The following STK3 variants were observed in gnomAD, a reference collection of about 807,000 sequenced individuals.
The protein encoded by STK3 is serine/threonine-protein kinase 3.
A neutral mutation model predicts 58.0 loss-of-function variants in STK3; 41 were observed. The ratio of observed to expected loss-of-function variants is 0.71; its 90% CI spans 0.55 to 0.92. STK3 has a LOEUF of 0.92. Ranked by LOEUF, STK3 falls within the 40% of genes least tolerant of loss-of-function variation. STK3 has a pLI of 0.00. For missense variants in STK3, 479 were observed against 602.7 expected (o/e 0.79, Z 2.15); for synonymous variants, 170 against 191.0 (o/e 0.89, Z 0.91).
chr8:98,741,785 G>A (rs570515287), intron 4 of STK3, among the ~76,000 whole-genome samples: 1 of 150,852 alleles, frequency 6.6e-6, no homozygotes, highest in Admixed American at 6.6e-5. Context: ...AAAGACTAAT[G>A]AATCCAGGAG....
chr8:98,632,558 C>G (rs886687773), intron 6 of STK3, among the ~76,000 whole-genome samples: 5 of 152,120 alleles, frequency 3.3e-5, no homozygotes, highest in African/African-American at 1.2e-4. Context: ...TTAGATCTGA[C>G]GCAGAGGAAA....
chr8:98,527,195 T>A (rs953178386), intron 9 of STK3, among the ~76,000 whole-genome samples: 2 of 152,346 alleles, frequency 1.3e-5, no homozygotes, highest in East Asian at 3.9e-4. Context: ...AGAATTTTAT[T>A]AAAAATCATT....
In STK3 at chr8:98,596,174, T is replaced by C. The variant is rs1193130398; in HGVS notation, c.685-5A>G. 6.8e-6 allele frequency: 11 copies of C among 1,610,136 alleles called. No homozygotes were observed. The highest frequency in any genetic ancestry group is 9.3e-6 in the Non-Finnish European group (11 of 1,177,992). On this transcript the variant is annotated splice_polypyrimidine_tract_variant and splice_region_variant and intron_variant, in intron 6 of 10. Transcript: ENST00000419617. ...TGTGGGAATCATAAAAATAGCCTAG[T>C]ACAAATGAAATATCCAAAAGACAGT...
intron 4 of STK3, among the ~76,000 whole-genome samples, chr8:98,709,177 T>C (rs1045524937): frequency 8.6e-5 from 13 of 151,972 alleles, no homozygotes; most frequent in African/African-American, 3.1e-4. Flanking sequence ...TGATAGAAAA[T>C]AGGATAACAC....
chr8:98,676,432 G>A (rs142067348), intron 6 of STK3, among the ~76,000 whole-genome samples: 1,983 of 152,278 alleles, frequency 0.013, 46 homozygotes, highest in African/African-American at 0.045. Context: ...AATCAACATG[G>A]TGAAACCCAG....
chr8:98,778,137 A>C (rs1831829741), intron 1 of STK3, among the ~76,000 whole-genome samples: 1 of 152,220 alleles, frequency 6.6e-6, no homozygotes, highest in Admixed American at 6.5e-5. Context: ...TCATCTGACA[A>C]AGGGCTAATA....
intron 3 of STK3, among the ~76,000 whole-genome samples, chr8:98,833,853 G>A (rs1010744911): frequency 3.9e-5 from 6 of 152,150 alleles, no homozygotes; most frequent in African/African-American, 1.4e-4. Context: ...ACAAAGAAAA[G>A]GGGATAACCA....
intron 8 of STK3, among the ~76,000 whole-genome samples, chr8:98,558,164 G>A (rs1811743777): frequency 6.6e-6 from 1 of 151,924 alleles, no homozygotes; most frequent in African/African-American, 2.4e-5. Context: ...TTTAAAATAA[G>A]AATGACACCT....
intron 1 of STK3, among the ~76,000 whole-genome samples, chr8:98,907,382 C>T (rs1223776878): frequency 6.6e-6 from 1 of 150,614 alleles, no homozygotes; most frequent in African/African-American, 2.4e-5. Flanking sequence ...GGCGTGGTGG[C>T]ACCACCTGTA....
At chr8:98,777,844 G>C (rs1587594206) in intron 1 of STK3, among the ~76,000 whole-genome samples, 1 of 152,142 alleles carries the variant, frequency 6.6e-6, no homozygotes, top group Non-Finnish European at 1.5e-5. Flanking sequence ...AGCTGAAACT[G>C]GATCCCTTCC....
chr8:98,444,991 T>TC (rs1818874412), intron 1 of STK3, among the ~76,000 whole-genome samples: 2 of 152,322 alleles, frequency 1.3e-5, no homozygotes, highest in East Asian at 3.9e-4. Context: ...GTACTAAGAA[T>TC]AGTTGGCTTT....
intron 1 of STK3, among the ~76,000 whole-genome samples, chr8:98,940,177 G>T (rs1468080686): frequency 2.0e-5 from 3 of 152,096 alleles, no homozygotes; most frequent in Non-Finnish European, 2.9e-5. Flanking sequence ...AGCCCGAGCC[G>T]TATCCAGCTT....
At chr8:98,840,628 TAC>T (rs1554689100) in intron 3 of STK3, among the ~76,000 whole-genome samples, 18 of 114,468 alleles carry the variant, frequency 1.6e-4, no homozygotes, top group Admixed American at 4.4e-4. Flanking sequence ...TATATATATA[TAC>T]ACACACATAC....
At chr8:98,858,522 G>A (rs944544774) in intron 3 of STK3, among the ~76,000 whole-genome samples, 18 of 150,552 alleles carry the variant, frequency 1.2e-4, no homozygotes, top group Non-Finnish European at 2.1e-4. Context: ...AACCGAAAAA[G>A]GTTGAAAATT....
chr8:98,704,619 TA>T (rs928874300), intron 6 of STK3, among the ~76,000 whole-genome samples: 3 of 151,968 alleles, frequency 2.0e-5, no homozygotes, highest in South Asian at 2.1e-4. Context: ...AATACAGGTA[TA>T]TTTTTTTCTA....
At chr8:98,412,492 A>G (rs1259959895) in intron 3 of STK3, among the ~76,000 whole-genome samples, 1 of 152,232 alleles carries the variant, frequency 6.6e-6, no homozygotes, top group African/African-American at 2.4e-5. Flanking sequence ...TTGTATAAAC[A>G]GTTTCAAAGC....
At chr8:98,701,094 G>A (rs993923370) in intron 6 of STK3, among the ~76,000 whole-genome samples, 2 of 151,740 alleles carry the variant, frequency 1.3e-5, no homozygotes, top group Non-Finnish European at 2.9e-5. Context: ...GCTTGAGCCT[G>A]GGAGGTTGAG....
At chr8:98,828,605 A>G (rs1835415466), upstream of STK3, among the ~76,000 whole-genome samples, 1 of 151,846 alleles carries the variant, frequency 6.6e-6, no homozygotes, top group Non-Finnish European at 1.5e-5. Context: ...AAAGAAAGAA[A>G]GAGAGAGAGA....
chr8:98,838,127 G>A (rs1216819849), intron 3 of STK3, among the ~76,000 whole-genome samples: 5 of 147,710 alleles, frequency 3.4e-5, no homozygotes, highest in East Asian at 2.0e-4. Flanking sequence ...CCTTTAGTAC[G>A]AGCTACTCGA....
Sources: gnomAD v4.1 joint callset for allele counts (sites outside exome capture counted in the v4.1 genomes callset) on GRCh38, gnomAD v4.1.1 for gene constraint, MANE v1.5 for transcripts, NCBI Gene and HGNC (gene_info 2026-07-23, HGNC 2026-07-21) for gene names.